The following NIPAL2 variants were observed in gnomAD, a reference collection of about 807,000 sequenced individuals.
NIPAL2 encodes NIPA-like protein 2.
A neutral mutation model predicts 48.9 loss-of-function variants in NIPAL2; 43 were observed. That is an observed-to-expected ratio of 0.88 (90% confidence interval 0.69 to 1.13). NIPAL2 has a LOEUF of 1.13. NIPAL2 is among the 50% of genes most tolerant of loss of function. The pLI is 0.00. For missense variants in NIPAL2, 446 were observed against 461.4 expected (o/e 0.97, Z 0.31); for synonymous variants, 167 against 174.6 (o/e 0.96, Z 0.34).
At chr8:98,277,354 C>T (rs1482658100) in intron 1 of NIPAL2, among the ~76,000 whole-genome samples, 5 of 152,114 alleles carry the variant, frequency 3.3e-5, no homozygotes, top group African/African-American at 1.2e-4. Flanking sequence ...CATGATGAAA[C>T]TCTGTCTCTA....
Position 98,195,942 on chromosome 8 carries a change from C to A in NIPAL2, c.944G>T (p.Gly315Val), listed in dbSNP as rs145264930. ...CTTTACCTCTGAGACATTTACTCAC[C>A]CAAAAAGATATATAAATACAGTGAG... is the stretch of plus-strand genomic sequence containing the variant. ...PFLTVFIYLF[G>V]CFLSFLGVFL... Residue 315 changes from glycine (G) to valine (V), a missense_variant and splice_region_variant, in exon 9 of 11, where the codon GGG becomes GTG. By Grantham distance (109) the Gly-to-Val change is moderately radical. Transcript: ENST00000430223. 15 of 1,570,184 alleles carry A rather than the reference C, an allele frequency of 9.6e-6. No homozygotes were observed. The Admixed American group carries it at 1.4e-4, about 14-fold the overall frequency.
At chr8:98,196,708 A>T (rs1316594700) in intron 8 of NIPAL2, among the ~76,000 whole-genome samples, 1 of 152,222 alleles carries the variant, frequency 6.6e-6, no homozygotes, top group Non-Finnish European at 1.5e-5. Flanking sequence ...TCTTTAAGTT[A>T]TATGTTGCCT....
At chr8:98,237,730 G>T (rs996665764) in intron 3 of NIPAL2, among the ~76,000 whole-genome samples, 1 of 152,024 alleles carries the variant, frequency 6.6e-6, no homozygotes, top group Non-Finnish European at 1.5e-5. Flanking sequence ...ATGCTTAATG[G>T]CTTTTACATG....
At position 98,191,848 on chromosome 8, in the gene NIPAL2, C is replaced by T. The variant is rs1318392874; in HGVS notation, c.*1130G>A. 6.6e-6 allele frequency: 1 copy of T among 152,168 alleles called. No homozygotes were observed. Among genetic ancestry groups the T allele is most frequent in the Middle Eastern group, 3.2e-3 (1 of 316 alleles). The allele number at this position is 152,168 out of a possible 1,614,324, so 9.4% of individuals were successfully genotyped here. A position where few individuals can be genotyped will look rare whatever the true frequency, so the allele number is the denominator to read the frequency against. On this transcript the variant is annotated 3_prime_UTR_variant, in exon 11 of 11. Coordinates refer to ENST00000430223, the MANE Select transcript of NIPAL2 (RefSeq NM_001321635.2). ...TCAGGAAACAGGAGGACTTGGGCTTCCTCTTGAAGCTCAGGTTTGACCACT... is the reference window on the plus strand; with the variant it reads ...TCAGGAAACAGGAGGACTTGGGCTTTCTCTTGAAGCTCAGGTTTGACCACT...
intron 9 of NIPAL2, 49 bp downstream of exon 9, chr8:98,195,893 G>C (rs760338144): frequency 2.2e-6 from 3 of 1,342,728 alleles, no homozygotes; most frequent in Middle Eastern, 3.8e-4. Context: ...AAAATCCTAC[G>C]TAAAAGTAAT....
At chr8:98,271,439 T>C (rs1426631719) in intron 1 of NIPAL2, among the ~76,000 whole-genome samples, 1 of 152,110 alleles carries the variant, frequency 6.6e-6, no homozygotes, top group African/African-American at 2.4e-5. Flanking sequence ...TTCCTAGGTA[T>C]TTTATTTTTG....
intron 3 of NIPAL2, among the ~76,000 whole-genome samples, chr8:98,247,501 T>A (rs1813370130): frequency 6.6e-6 from 1 of 152,002 alleles, no homozygotes; most frequent in African/African-American, 2.4e-5. Context: ...ATGCAGAGAG[T>A]CTCCACATCT....
intron 3 of NIPAL2, among the ~76,000 whole-genome samples, chr8:98,245,802 G>A (rs779534797): frequency 6.6e-6 from 1 of 152,202 alleles, no homozygotes; most frequent in Non-Finnish European, 1.5e-5. Flanking sequence ...GCTTTCTGCT[G>A]AGCGTATATG....
intron 1 of NIPAL2, among the ~76,000 whole-genome samples, chr8:98,258,722 T>A (rs1281290550): frequency 1.3e-5 from 2 of 152,122 alleles, no homozygotes; most frequent in Non-Finnish European, 2.9e-5. Flanking sequence ...TAAATGACAA[T>A]CTGTAACCAA....
chr8:98,196,710 A>G (rs1810570263), intron 8 of NIPAL2, among the ~76,000 whole-genome samples: 1 of 152,228 alleles, frequency 6.6e-6, no homozygotes, highest in Non-Finnish European at 1.5e-5. Context: ...TTTAAGTTAT[A>G]TGTTGCCTGG....
intron 6 of NIPAL2, among the ~76,000 whole-genome samples, chr8:98,206,326 A>G (rs531457893): frequency 1.3e-5 from 2 of 151,308 alleles, no homozygotes; most frequent in East Asian, 1.9e-4. Flanking sequence ...GTATATATAT[A>G]TATGTATGTA....
At chr8:98,202,196 A>G (rs998846667) in intron 8 of NIPAL2, among the ~76,000 whole-genome samples, 3 of 152,272 alleles carry the variant, frequency 2.0e-5, no homozygotes, top group African/African-American at 4.8e-5. Context: ...AGAATAGCAA[A>G]GGCAGTAGTT....
intron 3 of NIPAL2, among the ~76,000 whole-genome samples, chr8:98,241,526 G>A (rs1452924477): frequency 1.3e-5 from 2 of 152,152 alleles, no homozygotes; most frequent in African/African-American, 4.8e-5. Flanking sequence ...TTCTGCATCT[G>A]TGAATCTGTC....
chr8:98,237,889 C>T (rs1231743490), intron 3 of NIPAL2, among the ~76,000 whole-genome samples: 1 of 152,180 alleles, frequency 6.6e-6, no homozygotes, highest in Non-Finnish European at 1.5e-5. Flanking sequence ...GCCTGTCTTC[C>T]CCGAAAGACC....
chr8:98,222,435 G>A, intron 5 of NIPAL2, 44 bp downstream of exon 5: 1 of 1,600,096 alleles, frequency 6.2e-7, no homozygotes, highest in Non-Finnish European at 8.5e-7. Context: ...CCAGTGGTCT[G>A]GATAATATAG....
chr8:98,233,003 T>TA (rs1812515970), intron 4 of NIPAL2, among the ~76,000 whole-genome samples: 1 of 152,194 alleles, frequency 6.6e-6, no homozygotes. Flanking sequence ...CTCATGCCTG[T>TA]AATCCCAGCA....
intron 8 of NIPAL2, among the ~76,000 whole-genome samples, chr8:98,201,834 A>G (rs1810817160): frequency 6.6e-6 from 1 of 152,198 alleles, no homozygotes; most frequent in Non-Finnish European, 1.5e-5. Context: ...GGAAACAGAA[A>G]ATGCATTAAT....
chr8:98,214,166 TC>T (rs1040087783), intron 5 of NIPAL2, among the ~76,000 whole-genome samples: 1 of 124,674 alleles, frequency 8.0e-6, no homozygotes, highest in African/African-American at 3.2e-5. Context: ...TGTTTTAACA[TC>T]TTTTTTTTTT....
At chr8:98,222,387 G>T in intron 5 of NIPAL2, 92 bp downstream of exon 5, 1 of 1,312,374 alleles carries the variant, frequency 7.6e-7, no homozygotes, top group Non-Finnish European at 1.0e-6. Flanking sequence ...TATTAGTGCT[G>T]GTAAGGAAAA....
Sources: gnomAD v4.1 joint callset for allele counts (sites outside exome capture counted in the v4.1 genomes callset) on GRCh38, gnomAD v4.1.1 for gene constraint, MANE v1.5 for transcripts, NCBI Gene and HGNC (gene_info 2026-07-23, HGNC 2026-07-21) for gene names.